STK33: variants seen among roughly 807,000 people sequenced by gnomAD.
The protein encoded by STK33 is serine/threonine kinase 33.
STK33 carries 52 observed loss-of-function variants against 58.0 expected under a neutral mutation model. The ratio of observed to expected loss-of-function variants is 0.90; its 90% CI spans 0.72 to 1.13. The LOEUF (loss-of-function observed/expected upper bound fraction) is 1.13, where lower values mean the gene tolerates loss of function less well. Ranked by LOEUF, STK33 falls within the 50% of genes most tolerant of loss-of-function variation. The pLI, the probability that STK33 is intolerant of heterozygous loss-of-function variation, is 0.00. For missense variants in STK33, 630 were observed against 604.2 expected (o/e 1.04, Z -0.45); for synonymous variants, 215 against 200.1 (o/e 1.07, Z -0.63).
At chr11:8,566,285 G>C (rs1318860892) in intron 1 of STK33, among the ~76,000 whole-genome samples, 1 of 152,130 alleles carries the variant, frequency 6.6e-6, no homozygotes, top group Admixed American at 6.5e-5. Flanking sequence ...TCTCCAAAAC[G>C]TGAGAGTTGA....
In STK33 at chr11:8,404,922, C is replaced by T. The variant is rs191321639; in HGVS notation, c.1344+8573G>A. On this transcript the variant is annotated intron_variant, in intron 15 of 15. Transcript: ENST00000687296. ...TTGGGAGGCCAAGGTAGGCGGATCG[C>T]GAGGTCAGGAGATAGAGACCATCCT... 3.6e-3 allele frequency among the ~76,000 whole-genome samples: 554 copies of T among 152,282 alleles called. 3 individuals carry two copies. The highest frequency in any genetic ancestry group is 0.012 in the African/African-American group (516 of 41,554).
intron 1 of STK33, among the ~76,000 whole-genome samples, chr11:8,528,292 A>C (rs1954225584): frequency 6.6e-6 from 1 of 152,210 alleles, no homozygotes; most frequent in African/African-American, 2.4e-5. Flanking sequence ...AGTTACCGTA[A>C]GTTGTACAAT....
intron 7 of STK33, 30 bp downstream of exon 7, chr11:8,464,679 C>CTCA: frequency 6.6e-7 from 1 of 1,510,270 alleles, no homozygotes; most frequent in Non-Finnish European, 9.2e-7. Flanking sequence ...AACACTGTGC[C>CTCA]CTCAGTAGGA....
At chr11:8,391,609 A>G (rs1006661960), downstream of STK33, among the ~76,000 whole-genome samples, 2 of 152,228 alleles carry the variant, frequency 1.3e-5, no homozygotes, top group Admixed American at 6.5e-5. Context: ...GCAATTGCAA[A>G]TTCTTTCTTT....
intron 1 of STK33, among the ~76,000 whole-genome samples, chr11:8,582,272 C>G (rs2030488342): frequency 6.6e-6 from 1 of 152,122 alleles, no homozygotes; most frequent in African/African-American, 2.4e-5. Context: ...TTTTTAACAA[C>G]AGGAACTAAG....
intron 15 of STK33, among the ~76,000 whole-genome samples, chr11:8,393,473 C>T (rs1358076661): frequency 6.6e-6 from 1 of 152,164 alleles, no homozygotes; most frequent in Non-Finnish European, 1.5e-5. Flanking sequence ...ACGTTAGGCC[C>T]ATTTTTAAAG....
intron 6 of STK33, chr11:8,465,874 T>A (rs181460157): frequency 1.3e-5 from 2 of 153,274 alleles, no homozygotes; most frequent in Admixed American, 1.3e-4. Context: ...GATTTACAGT[T>A]CCACATGACT....
chr11:8,537,855 G>T (rs1332063626), intron 1 of STK33, among the ~76,000 whole-genome samples: 1 of 150,188 alleles, frequency 6.7e-6, no homozygotes, highest in African/African-American at 2.4e-5. Context: ...AAATAAAATG[G>T]ATAAGTAACT....
intron 14 of STK33, among the ~76,000 whole-genome samples, chr11:8,426,242 G>T (rs572417365): frequency 2.9e-4 from 44 of 152,322 alleles, no homozygotes; most frequent in African/African-American, 9.6e-4. Flanking sequence ...CAGCTCAGCA[G>T]CCTGGGCTCT....
chr11:8,352,860 C>T, the STK33 span, among the ~76,000 whole-genome samples: 6 of 152,204 alleles, frequency 3.9e-5, no homozygotes, highest in Non-Finnish European at 5.9e-5. Context: ...TTATTTCTGC[C>T]AGGGACCCAG....
At chr11:8,573,876 T>C (rs919695865) in intron 1 of STK33, among the ~76,000 whole-genome samples, 2 of 152,170 alleles carry the variant, frequency 1.3e-5, no homozygotes, top group African/African-American at 4.8e-5. Flanking sequence ...AACAAAATTA[T>C]AGAAATGAAT....
chr11:8,387,331 C>CA (rs1219319713), downstream of STK33, among the ~76,000 whole-genome samples: 1 of 152,158 alleles, frequency 6.6e-6, no homozygotes, highest in Non-Finnish European at 1.5e-5. Flanking sequence ...TCTTGAGAGG[C>CA]ATATAGTACA....
chr11:8,494,077 A>G (rs540089845), intron 1 of STK33, among the ~76,000 whole-genome samples: 5 of 152,192 alleles, frequency 3.3e-5, no homozygotes, highest in Admixed American at 6.5e-5. Flanking sequence ...TATTCAACAA[A>G]GTATTGGAAG....
chr11:8,504,603 C>T (rs1440776361), intron 1 of STK33, among the ~76,000 whole-genome samples: 1 of 151,874 alleles, frequency 6.6e-6, no homozygotes, highest in East Asian at 1.9e-4. Context: ...AGCCTAGCAA[C>T]ACAGGGAGAC....
At chr11:8,398,985 C>T (rs894910756) in intron 15 of STK33, among the ~76,000 whole-genome samples, 5 of 152,242 alleles carry the variant, frequency 3.3e-5, no homozygotes, top group East Asian at 1.9e-4. Context: ...TAGAGACCTA[C>T]AAAGAGACTT....
intron 1 of STK33, among the ~76,000 whole-genome samples, chr11:8,489,322 T>C (rs191734812): frequency 4.7e-5 from 7 of 147,514 alleles, no homozygotes; most frequent in African/African-American, 7.4e-5. Context: ...TATAAAGGTA[T>C]AAATATATTA....
chr11:8,578,428 T>TA (rs1413461878), intron 1 of STK33, among the ~76,000 whole-genome samples: 1 of 151,980 alleles, frequency 6.6e-6, no homozygotes, highest in Non-Finnish European at 1.5e-5. Flanking sequence ...TGCAGCAATT[T>TA]AAAAAATGAA....
At chr11:8,537,557 TG>T (rs1021506603) in intron 1 of STK33, among the ~76,000 whole-genome samples, 2 of 152,152 alleles carry the variant, frequency 1.3e-5, no homozygotes, top group African/African-American at 4.8e-5. Context: ...CCCTGGTTTT[TG>T]GTATGATAAG....
At chr11:8,512,625 T>G (rs969352645) in intron 1 of STK33, among the ~76,000 whole-genome samples, 2 of 152,162 alleles carry the variant, frequency 1.3e-5, no homozygotes, top group Non-Finnish European at 2.9e-5. Flanking sequence ...AAGCTTATAT[T>G]TTTTATTTTT....
Sources: gnomAD v4.1 joint callset for allele counts (sites outside exome capture counted in the v4.1 genomes callset) on GRCh38, gnomAD v4.1.1 for gene constraint, MANE v1.5 for transcripts, NCBI Gene and HGNC (gene_info 2026-07-23, HGNC 2026-07-21) for gene names.